The following TMEM50A variants were observed in gnomAD, a reference collection of about 807,000 sequenced individuals.
TMEM50A encodes cervical cancer oncogene 9.
In TMEM50A, 8 loss-of-function variants were observed where a neutral mutation model predicts 23.9. That is an observed-to-expected ratio of 0.33 (90% CI 0.20 to 0.60). The LOEUF (loss-of-function observed/expected upper bound fraction) is 0.60, where lower values mean the gene tolerates loss of function less well. Among genes scored for constraint, TMEM50A ranks in the 20% least tolerant of loss-of-function variants. The pLI is 0.81. For synonymous variants in TMEM50A, 55 were observed against 60.4 expected (o/e 0.91, Z 0.41); for missense variants, 178 against 192.7 (o/e 0.92, Z 0.45).
chr1:25,349,409 C>G (rs987207323), intron 3 of TMEM50A, among the ~76,000 whole-genome samples: 2 of 152,080 alleles, frequency 1.3e-5, no homozygotes, highest in Admixed American at 6.6e-5. Flanking sequence ...GCAAGGAAAA[C>G]GAGCTGAGAA....
In TMEM50A at chr1:25,355,527, AG is replaced by A. The variant is rs3093628; in HGVS notation, c.368-1264del. On this transcript the variant is annotated intron_variant, in intron 5 of 6. Transcript: ENST00000374358. ...TATTTTCCTGAAAGCTTCTGGAGCAAGGTTATGTTTTGAGAATTATTAGCAG... is the reference window on the plus strand; with the variant it reads ...TATTTTCCTGAAAGCTTCTGGAGCAAGTTATGTTTTGAGAATTATTAGCAG... Among the ~76,000 whole-genome samples, 737 of 152,276 alleles carry A rather than the reference AG, an allele frequency of 4.8e-3. 12 individuals carry two copies. Among genetic ancestry groups the A allele is most frequent in the African/African-American group, 0.017 (702 of 41,542 alleles).
intron 3 of TMEM50A, among the ~76,000 whole-genome samples, chr1:25,349,139 G>A (rs527543314): frequency 4.6e-5 from 7 of 152,308 alleles, no homozygotes; most frequent in East Asian, 3.9e-4. Flanking sequence ...AGCTCTGTCC[G>A]CTAAGAGTGC....
At chr1:25,352,374 A>G (rs944942981) in intron 4 of TMEM50A, among the ~76,000 whole-genome samples, 1 of 151,914 alleles carries the variant, frequency 6.6e-6, no homozygotes, top group Admixed American at 6.6e-5. Flanking sequence ...GGGTGCCTGT[A>G]GTCCCAGCTA....
intron 6 of TMEM50A, among the ~76,000 whole-genome samples, chr1:25,359,884 G>T (rs186724687): frequency 3.9e-5 from 6 of 152,074 alleles, no homozygotes; most frequent in Non-Finnish European, 8.8e-5. Context: ...CAGGGTGACC[G>T]AATTCTGTGT....
rs570885938 is a variant in TMEM50A, at chr1:25,338,393, G to C, written c.-77G>C. The C allele has an allele frequency of 6.5e-6, 1 of 153,826 alleles. No individual in the cohort carries two copies. The highest frequency in any genetic ancestry group is 1.9e-4 in the East Asian group (1 of 5,222). 9.5% of individuals were successfully genotyped at this position (153,826 alleles called of 1,614,324 possible). On this transcript the variant is annotated 5_prime_UTR_variant, in exon 1 of 7. Transcript: ENST00000374358. ...TTTTGTTTTCTTGGCTAAAATCGGG[G>C]GAGTGAGGCGGGCCGGCGCGGCGCG...
At chr1:25,342,217 C>G (rs1375993713) in intron 2 of TMEM50A, among the ~76,000 whole-genome samples, 1 of 151,992 alleles carries the variant, frequency 6.6e-6, no homozygotes, top group African/African-American at 2.4e-5. Context: ...CTAACTGAGT[C>G]AGGGTTTGGT....
intron 3 of TMEM50A, among the ~76,000 whole-genome samples, chr1:25,347,415 T>C (rs1645230466): frequency 6.6e-6 from 1 of 152,136 alleles, no homozygotes; most frequent in Non-Finnish European, 1.5e-5. Flanking sequence ...TTTGTATTTT[T>C]AGTAGAGGAA....
At chr1:25,352,764 G>A (rs981480981) in intron 4 of TMEM50A, 118 bp from the exon 5 acceptor site, 21 of 813,952 alleles carry the variant, frequency 2.6e-5, no homozygotes, top group South Asian at 5.7e-5. Context: ...CTGTTCTCAC[G>A]TTAGACTTTA....
At chr1:25,339,012 A>G (rs1226553281) in intron 1 of TMEM50A, among the ~76,000 whole-genome samples, 1 of 152,230 alleles carries the variant, frequency 6.6e-6, no homozygotes. Flanking sequence ...TGAATTTCCT[A>G]AATTGAACTT....
rs190608872 is a variant in TMEM50A, at chr1:25,352,997, A to G, written c.367+23A>G. ...AAGGTAAGAGAAAACATAGGTTACA[A>G]TTTACTTCAGTGGAATACTGGAATT... On this transcript the variant is annotated intron_variant, in intron 5 of 6. Coordinates refer to ENST00000374358, the MANE Select transcript of TMEM50A (RefSeq NM_014313.4). The G allele has an allele frequency of 6.9e-6, 11 of 1,588,524 alleles. No individual in the cohort carries two copies. In the East Asian group the frequency reaches 1.1e-4, roughly 16 times the overall value.
intron 3 of TMEM50A, among the ~76,000 whole-genome samples, chr1:25,345,955 G>A (rs1645211331): frequency 6.6e-6 from 1 of 151,346 alleles, no homozygotes; most frequent in Non-Finnish European, 1.5e-5. Context: ...TGCCTGGCTG[G>A]TGTTTGTATT....
Position 25,343,086 on chromosome 1 carries a change from G to A in TMEM50A, c.206+13G>A, listed in dbSNP as rs74916559. 3,350 of 1,584,384 alleles carry A rather than the reference G, an allele frequency of 2.1e-3. 75 individuals are homozygous for A. In the African/African-American group the frequency reaches 0.041, roughly 19 times the overall value. On this transcript the variant is annotated intron_variant, in intron 3 of 6. Transcript: ENST00000374358. ...TAGCCTTCCTAATGTAAGTGTCATC[G>A]TAATTGGCATTACTTACATAGCTTG...
At chr1:25,357,204 A>T (rs1478226518) in intron 6 of TMEM50A, among the ~76,000 whole-genome samples, 2 of 152,062 alleles carry the variant, frequency 1.3e-5, no homozygotes, top group African/African-American at 4.8e-5. Context: ...TTTATCCTTA[A>T]ATTTTGGTTT....
intron 3 of TMEM50A, 114 bp from the exon 4 acceptor site, chr1:25,351,512 A>T (rs201200035): frequency 9.6e-4 from 9 of 9,370 alleles, no homozygotes; most frequent in Non-Finnish European, 9.4e-3. Context: ...CTGTATCTTT[A>T]AAAAAAAAAA....
At chr1:25,338,760 C>T (rs1179145029) in intron 1 of TMEM50A, 1 of 152,216 alleles carries the variant, frequency 6.6e-6, no homozygotes. Flanking sequence ...CAAGCCGAAG[C>T]CCCGAGAAAG....
At chr1:25,360,631 TC>T in intron 6 of TMEM50A, 28 bp from the exon 7 acceptor site, 1 of 1,612,424 alleles carries the variant, frequency 6.2e-7, no homozygotes, top group Non-Finnish European at 8.5e-7. Context: ...ATTCAGGGAG[TC>T]ATGTGATATT....
At chr1:25,353,037 G>A (rs1645289430) in intron 5 of TMEM50A, 63 bp downstream of exon 5, 2 of 1,473,318 alleles carry the variant, frequency 1.4e-6, no homozygotes, top group Admixed American at 4.2e-5. Flanking sequence ...ATTAAAGTTG[G>A]TTATTTTAGA....
At chr1:25,356,975 T>C in intron 6 of TMEM50A, 122 bp downstream of exon 6, 1 of 675,436 alleles carries the variant, frequency 1.5e-6, no homozygotes, top group Non-Finnish European at 2.4e-6. Flanking sequence ...GATATTTTCA[T>C]AAAACATGGA....
intron 6 of TMEM50A, 84 bp from the exon 7 acceptor site, chr1:25,360,576 G>A: frequency 6.7e-7 from 1 of 1,485,102 alleles, no homozygotes; most frequent in Non-Finnish European, 9.3e-7. Context: ...ATTCTTCGTT[G>A]TTTGTTTCAC....
Sources: gnomAD v4.1 joint callset for allele counts (sites outside exome capture counted in the v4.1 genomes callset) on GRCh38, gnomAD v4.1.1 for gene constraint, MANE v1.5 for transcripts, NCBI Gene and HGNC (gene_info 2026-07-23, HGNC 2026-07-21) for gene names.